The following ZFAT variants were observed in gnomAD, a reference collection of about 807,000 sequenced individuals.
ZFAT encodes the protein zinc finger protein ZFAT.
A neutral mutation model predicts 117.7 loss-of-function variants in ZFAT; 64 were observed. That is an observed-to-expected ratio of 0.54 (90% CI 0.44 to 0.67). ZFAT has a LOEUF of 0.67. ZFAT is among the 30% of genes least tolerant of loss of function. ZFAT has a pLI of 0.00. For synonymous variants in ZFAT, 679 were observed against 615.0 expected (o/e 1.10, Z -1.54); for missense variants, 1,433 against 1,584.5 (o/e 0.90, Z 1.62).
intron 12 of ZFAT, among the ~76,000 whole-genome samples, chr8:134,532,500 G>A (rs1821491278): frequency 6.6e-6 from 1 of 152,176 alleles, no homozygotes; most frequent in East Asian, 1.9e-4. Flanking sequence ...AAAGACAACC[G>A]AACTTTCATC....
At chr8:134,712,266 C>T (rs906375422) in intron 1 of ZFAT, among the ~76,000 whole-genome samples, 1 of 152,178 alleles carries the variant, frequency 6.6e-6, no homozygotes, top group Non-Finnish European at 1.5e-5. Context: ...TTAGAGTTCT[C>T]AAGAGAGCTG....
chr8:134,566,270 T>C (rs1486003829), intron 10 of ZFAT, among the ~76,000 whole-genome samples: 2 of 151,728 alleles, frequency 1.3e-5, no homozygotes, highest in Non-Finnish European at 2.9e-5. Flanking sequence ...CGCGGGTGCC[T>C]GTAGTCCCAG....
chr8:134,781,787 C>T, the ZFAT span, among the ~76,000 whole-genome samples: 499 of 152,228 alleles, frequency 3.3e-3, no homozygotes, highest in Non-Finnish European at 5.3e-3. Flanking sequence ...TCAACGTGAA[C>T]GTGAGGAGGA....
chr8:134,561,889 G>C (rs1402589848), intron 11 of ZFAT, among the ~76,000 whole-genome samples: 1 of 152,166 alleles, frequency 6.6e-6, no homozygotes, highest in Admixed American at 6.5e-5. Context: ...AAGTGGGGGG[G>C]TATGGTTGGC....
At chr8:134,755,863 T>C in the ZFAT span, among the ~76,000 whole-genome samples, 12 of 142,828 alleles carry the variant, frequency 8.4e-5, no homozygotes, top group Admixed American at 3.5e-4. Context: ...AGATAAAAGA[T>C]AGTTGGATTT....
intron 1 of ZFAT, among the ~76,000 whole-genome samples, chr8:134,705,461 C>T (rs1423068236): frequency 6.6e-6 from 1 of 151,114 alleles, no homozygotes; most frequent in Non-Finnish European, 1.5e-5. Context: ...AAGCAGTCCT[C>T]CCACCTCAGA....
chr8:134,710,269 G>A (rs544170180), intron 1 of ZFAT, among the ~76,000 whole-genome samples: 35 of 152,328 alleles, frequency 2.3e-4, no homozygotes, highest in African/African-American at 8.2e-4. Flanking sequence ...AGGATAGGAA[G>A]GAAGGGCCCT....
intron 11 of ZFAT, among the ~76,000 whole-genome samples, chr8:134,555,836 G>A (rs1047784312): frequency 6.6e-6 from 1 of 151,558 alleles, no homozygotes; most frequent in Non-Finnish European, 1.5e-5. Flanking sequence ...TAAAAAACAT[G>A]TGTGAACAGA....
At chr8:134,556,386 AG>A (rs893720886) in intron 11 of ZFAT, among the ~76,000 whole-genome samples, 11 of 152,114 alleles carry the variant, frequency 7.2e-5, no homozygotes, top group Non-Finnish European at 1.3e-4. Flanking sequence ...CTAGAAGGAA[AG>A]GAGAGAACAA....
intron 1 of ZFAT, among the ~76,000 whole-genome samples, chr8:134,682,816 C>T (rs1284566915): frequency 6.6e-6 from 1 of 152,192 alleles, no homozygotes; most frequent in African/African-American, 2.4e-5. Flanking sequence ...CCCCACTCTG[C>T]ACACCGTACA....
At chr8:134,777,659 T>A in the ZFAT span, among the ~76,000 whole-genome samples, 72 of 152,338 alleles carry the variant, frequency 4.7e-4, 1 homozygote, top group Non-Finnish European at 8.8e-4. Context: ...ATTGCTGCCC[T>A]TATAAATTTA....
In ZFAT at chr8:134,578,444, A is replaced by AT. The variant is rs376788628; in HGVS notation, c.2887+5387dup. 5.0e-3 allele frequency among the ~76,000 whole-genome samples: 754 copies of AT among 151,424 alleles called. 6 individuals carry two copies. Among genetic ancestry groups the AT allele is most frequent in the African/African-American group, 0.017 (706 of 41,080 alleles). On this transcript the variant is annotated intron_variant, in intron 10 of 15. Transcript: ENST00000377838. ...AAAAAAAAAAAAAGGAATGAATACA[A>AT]TATGTGTGGAGAGATGCTAGCTGGG...
chr8:134,517,552 C>T (rs1264977038), intron 13 of ZFAT, among the ~76,000 whole-genome samples: 1 of 152,188 alleles, frequency 6.6e-6, no homozygotes, highest in Non-Finnish European at 1.5e-5. Context: ...AATCATGGCG[C>T]AATGATCAAA....
chr8:134,752,610 C>G, the ZFAT span, among the ~76,000 whole-genome samples: 1 of 152,172 alleles, frequency 6.6e-6, no homozygotes, highest in African/African-American at 2.4e-5. Flanking sequence ...CAAAATCCCA[C>G]AGACTGGGTG....
chr8:134,663,036 C>T (rs770339014), intron 1 of ZFAT, among the ~76,000 whole-genome samples: 4 of 152,240 alleles, frequency 2.6e-5, no homozygotes, highest in African/African-American at 7.2e-5. Flanking sequence ...CTCTCATGAA[C>T]GAATACTGCC....
the ZFAT span, among the ~76,000 whole-genome samples, chr8:134,824,349 C>T: frequency 1.3e-5 from 2 of 152,042 alleles, no homozygotes; most frequent in Non-Finnish European, 2.9e-5. Flanking sequence ...TCTTATCAGT[C>T]GTAATAACAA....
At chr8:134,512,739 G>A in intron 13 of ZFAT, 138 bp from the exon 14 acceptor site, 6 of 1,137,092 alleles carry the variant, frequency 5.3e-6, no homozygotes, top group Non-Finnish European at 7.3e-6. Flanking sequence ...TGGCACCCCT[G>A]AGAAACCAGT....
the ZFAT span, among the ~76,000 whole-genome samples, chr8:134,761,840 A>G: frequency 7.9e-5 from 12 of 152,196 alleles, no homozygotes; most frequent in African/African-American, 2.7e-4. Context: ...TTATCAGCCC[A>G]TGATCTTTTG....
At chr8:134,801,977 A>C in the ZFAT span, among the ~76,000 whole-genome samples, 2 of 152,210 alleles carry the variant, frequency 1.3e-5, no homozygotes, top group Non-Finnish European at 2.9e-5. Context: ...ACTGAATCAG[A>C]AACTTTTTTT....
Sources: allele counts gnomAD v4.1 joint callset (sites outside exome capture counted in the v4.1 genomes callset), GRCh38; gene constraint gnomAD v4.1.1; transcripts MANE v1.5; gene names NCBI Gene and HGNC (gene_info 2026-07-23, HGNC 2026-07-21).